DLG2: variants seen among roughly 807,000 people sequenced by gnomAD.
DLG2 encodes discs large MAGUK scaffold protein 2.
In DLG2, 45 loss-of-function variants were observed where a neutral mutation model predicts 132.5. The ratio of observed to expected loss-of-function variants is 0.34; its 90% confidence interval spans 0.27 to 0.44. The LOEUF (loss-of-function observed/expected upper bound fraction) is 0.44, where lower values mean the gene tolerates loss of function less well. Ranked by LOEUF, DLG2 falls within the 20% of genes least tolerant of loss-of-function variation. The pLI, the probability that DLG2 is intolerant of heterozygous loss-of-function variation, is 1.00. For synonymous variants in DLG2, 424 were observed against 419.6 expected (o/e 1.01, Z -0.13); for missense variants, 1,045 against 1,196.9 (o/e 0.87, Z 1.87).
chr11:83,699,370 A>G (rs1478525778), intron 18 of DLG2, among the ~76,000 whole-genome samples: 1 of 152,150 alleles, frequency 6.6e-6, no homozygotes, highest in African/African-American at 2.4e-5. Context: ...GTACTGATAC[A>G]TAAAGATCTC....
At chr11:83,957,317 C>G (rs981518721) in intron 14 of DLG2, among the ~76,000 whole-genome samples, 14 of 152,158 alleles carry the variant, frequency 9.2e-5, no homozygotes, top group African/African-American at 3.4e-4. Flanking sequence ...TATGCTGTTC[C>G]TGAAAGACTA....
At chr11:84,139,744 C>T (rs535155604) in intron 9 of DLG2, among the ~76,000 whole-genome samples, 4 of 151,874 alleles carry the variant, frequency 2.6e-5, no homozygotes, top group South Asian at 2.1e-4. Flanking sequence ...AGGCCACACT[C>T]GAAACACTTT....
At chr11:85,568,372 A>C (rs1040732989) in intron 3 of DLG2, among the ~76,000 whole-genome samples, 2 of 152,008 alleles carry the variant, frequency 1.3e-5, no homozygotes, top group Non-Finnish European at 2.9e-5. Flanking sequence ...TTCATAAGGG[A>C]TGTTGGTCTA....
chr11:84,928,982 G>GTATATATATATATATATA (rs58945482), intron 6 of DLG2, among the ~76,000 whole-genome samples: 5 of 49,114 alleles, frequency 1.0e-4, no homozygotes, highest in Non-Finnish European at 1.8e-4. Context: ...GTGTGTGTGT[G>GTATATATATATATATATA]TATATATATA....
chr11:83,627,172 CTTATT>C lies in DLG2; in HGVS notation c.1940+6034_1940+6038del, dbSNP rs538118142. Among the ~76,000 whole-genome samples, 247 of 151,814 alleles carry C rather than the reference CTTATT, an allele frequency of 1.6e-3. 1 individual carries two copies. Among genetic ancestry groups the C allele is most frequent in the Middle Eastern group, 0.014 (4 of 292 alleles). On this transcript the variant is annotated intron_variant, in intron 19 of 27. Coordinates refer to ENST00000376104, the MANE Select transcript of DLG2 (RefSeq NM_001142699.3). ...CTATTTTATTTAATTCTCACAACCA[CTTATT>C]TTATTTTATTTATTTTTTATTTATT...
chr11:85,150,699 A>AGTGTGT lies in DLG2; in HGVS notation c.282+3851_282+3856dup, dbSNP rs71036459. On this transcript the variant is annotated intron_variant, in intron 5 of 27. Coordinates refer to ENST00000376104, the MANE Select transcript of DLG2 (RefSeq NM_001142699.3). The stretch of plus-strand genomic sequence containing the variant: ...TTTCCTTTTGTTCCTAAGGCTACAT[A>AGTGTGT]GTGTGTGTGTGTGTGTGTGTGTGTG... Among the ~76,000 whole-genome samples, 367 of 127,342 alleles carry AGTGTGT rather than the reference A, an allele frequency of 2.9e-3. 4 individuals carry two copies. The East Asian group carries it at 0.035, about 12-fold the overall frequency. The allele number at this position is 127,342 out of a possible 152,430, so 83.5% of individuals were successfully genotyped here.
chr11:83,890,283 A>G (rs2069367816), intron 15 of DLG2, among the ~76,000 whole-genome samples: 1 of 152,104 alleles, frequency 6.6e-6, no homozygotes, highest in African/African-American at 2.4e-5. Context: ...TTTCAGAATA[A>G]CACACTCTGA....
intron 8 of DLG2, among the ~76,000 whole-genome samples, chr11:84,174,199 C>T (rs989426138): frequency 5.9e-5 from 9 of 151,526 alleles, no homozygotes; most frequent in Non-Finnish European, 1.3e-4. Context: ...TATCAATTCC[C>T]GCCATCCTAT....
chr11:83,655,128 T>C (rs1181250286), intron 18 of DLG2, among the ~76,000 whole-genome samples: 1 of 152,222 alleles, frequency 6.6e-6, no homozygotes, highest in African/African-American at 2.4e-5. Flanking sequence ...TCCAGTTGTA[T>C]TGTAATGAGT....
chr11:85,295,107 G>T (rs1317521590), intron 3 of DLG2, among the ~76,000 whole-genome samples: 1 of 152,074 alleles, frequency 6.6e-6, no homozygotes, highest in Non-Finnish European at 1.5e-5. Flanking sequence ...ACCAGGAGGT[G>T]TGTCTTATTC....
intron 3 of DLG2, among the ~76,000 whole-genome samples, chr11:85,432,274 A>G (rs563853699): frequency 6.6e-6 from 1 of 152,278 alleles, no homozygotes; most frequent in Non-Finnish European, 1.5e-5. Flanking sequence ...TTCTCCTCCA[A>G]ATGATTACAA....
At chr11:84,172,963 A>G (rs1047362551) in intron 8 of DLG2, among the ~76,000 whole-genome samples, 2 of 151,462 alleles carry the variant, frequency 1.3e-5, no homozygotes, top group African/African-American at 4.8e-5. Flanking sequence ...TAAAATTTTA[A>G]TTAGAAAGCA....
intron 16 of DLG2, among the ~76,000 whole-genome samples, chr11:83,851,724 A>C (rs1400435638): frequency 6.6e-6 from 1 of 151,644 alleles, no homozygotes; most frequent in African/African-American, 2.4e-5. Flanking sequence ...GTTCAAGACC[A>C]GCCTGGCCAA....
intron 6 of DLG2, among the ~76,000 whole-genome samples, chr11:84,772,611 G>A (rs2069625057): frequency 6.6e-6 from 1 of 152,032 alleles, no homozygotes; most frequent in Non-Finnish European, 1.5e-5. Context: ...GGACCACAGT[G>A]AGATAAAAAA....
intron 23 of DLG2, among the ~76,000 whole-genome samples, chr11:83,472,216 G>T (rs1000888980): frequency 3.9e-5 from 6 of 152,146 alleles, no homozygotes; most frequent in Admixed American, 2.0e-4. Context: ...TCTGGGATTA[G>T]AAGGAACCTG....
intron 6 of DLG2, among the ~76,000 whole-genome samples, chr11:84,925,352 T>C (rs2092937759): frequency 6.6e-6 from 1 of 152,150 alleles, no homozygotes; most frequent in South Asian, 2.1e-4. Context: ...AACAGGGCTT[T>C]AGATACCATT....
At position 85,132,510 on chromosome 11, in the gene DLG2, A is replaced by AT. The variant is rs1187358044; in HGVS notation, c.283-20776dup. On this transcript the variant is annotated intron_variant, in intron 5 of 27. Transcript: ENST00000376104. ...AATAGATGCAAAAGCAAATCCTGCC[A>AT]TAAAAAAAAAACAAAAAACAAAAAA... Among the ~76,000 whole-genome samples the AT allele has an allele frequency of 4.6e-5, 7 of 150,932 alleles. No homozygotes were observed. The East Asian group carries it at 7.7e-4, about 17-fold the overall frequency.
chr11:85,262,371 C>T (rs925707489), intron 4 of DLG2, among the ~76,000 whole-genome samples: 1 of 152,106 alleles, frequency 6.6e-6, no homozygotes, highest in African/African-American at 2.4e-5. Context: ...TTGCCTAGGC[C>T]TTTCCTGGGC....
At chr11:84,022,276 C>G (rs114818016) in intron 11 of DLG2, among the ~76,000 whole-genome samples, 1 of 152,084 alleles carries the variant, frequency 6.6e-6, no homozygotes, top group Non-Finnish European at 1.5e-5. Context: ...CAAACAAAAC[C>G]AGAATGGCCA....
Sources: allele counts gnomAD v4.1 joint callset (sites outside exome capture counted in the v4.1 genomes callset), GRCh38; gene constraint gnomAD v4.1.1; transcripts MANE v1.5; gene names NCBI Gene and HGNC (gene_info 2026-07-23, HGNC 2026-07-21).